The following TOGARAM1 variants were observed in gnomAD, a reference collection of about 807,000 sequenced individuals.
The protein encoded by TOGARAM1 is TOG array regulator of axonemal microtubules protein 1.
A neutral mutation model predicts 166.6 loss-of-function variants in TOGARAM1; 100 were observed. That is an observed-to-expected ratio of 0.60 (90% CI 0.51 to 0.71). TOGARAM1 has a LOEUF of 0.71. Ranked by LOEUF, TOGARAM1 falls within the 30% of genes least tolerant of loss-of-function variation. The pLI is 0.00. For synonymous variants in TOGARAM1, 758 were observed against 763.8 expected, an observed-to-expected ratio of 0.99 and a Z score of 0.13; for missense variants, 2,029 against 2,102.7, an observed-to-expected ratio of 0.96 and a Z score of 0.69.
chr14:44,993,279 C>T (rs1356041364), intron 1 of TOGARAM1, among the ~76,000 whole-genome samples: 1 of 148,432 alleles, frequency 6.7e-6, no homozygotes, highest in Non-Finnish European at 1.5e-5. Flanking sequence ...AGAGTGAGAA[C>T]CTGTCTCAAA....
Position 45,044,676 on chromosome 14 carries a change from CTGTT to C in TOGARAM1, c.3962_3965del (p.Cys1321Ter). 2 of 1,612,996 alleles carry C rather than the reference CTGTT, an allele frequency of 1.2e-6. No individual in the cohort carries two copies. The highest frequency in any genetic ancestry group is 1.7e-6 in the Non-Finnish European group (2 of 1,179,626). On this transcript the variant is annotated frameshift_variant, in exon 13 of 20. Transcript: ENST00000361462. LOFTEE classifies it high-confidence loss of function. ...CTGGAGTTTCTCGTGCTGCTGTGGT[CTGTT>C]TAAGTGATCTTTTCACTTATTTGAA...
chr14:45,026,848 A>AAAT (rs1370255081), intron 8 of TOGARAM1, among the ~76,000 whole-genome samples: 3 of 151,884 alleles, frequency 2.0e-5, no homozygotes, highest in African/African-American at 7.3e-5. Flanking sequence ...AAAAAAAAAA[A>AAAT]ATACAAAAAA....
intron 16 of TOGARAM1, among the ~76,000 whole-genome samples, chr14:45,064,864 A>G (rs1883064738): frequency 6.6e-6 from 1 of 151,960 alleles, no homozygotes; most frequent in Non-Finnish European, 1.5e-5. Flanking sequence ...TGTGCTTGGT[A>G]TAAGATTGAT....
intron 16 of TOGARAM1, among the ~76,000 whole-genome samples, chr14:45,058,009 C>T (rs1166876972): frequency 6.6e-6 from 1 of 152,144 alleles, no homozygotes; most frequent in Admixed American, 6.5e-5. Context: ...TTTTCTGTCT[C>T]AATAATCTGC....
In TOGARAM1 at chr14:45,027,374, C is replaced by G. The variant is rs1053665; in HGVS notation, c.3404C>G (p.Thr1135Arg). ...SVISSVENGD[T>R]FSIKQSIEPP... is the part of the protein sequence containing the mutation. ...ATATCTTCTGTGGAAAATGGGGATA[C>G]ATTTTCAATTAAACAAAGTATTGAA... is the stretch of plus-strand genomic sequence containing the variant. The change falls in exon 9 of 20, where the codon ACA (threonine) becomes AGA (arginine). Residue 1135 changes from threonine to arginine, a missense_variant. Physicochemically the swap from Thr to Arg is moderately conservative, Grantham distance 71. This residue lies in a region of TOGARAM1 where 1,453 missense variants were observed against 1,432.2 expected (regional missense o/e 1.01). Transcript: ENST00000361462. 1 of 1,613,556 alleles carries G rather than the reference C, an allele frequency of 6.2e-7. No homozygotes were observed.
chr14:45,071,828 T>C, intron 19 of TOGARAM1, 30 bp downstream of exon 19: 1 of 1,506,422 alleles, frequency 6.6e-7, no homozygotes, highest in Non-Finnish European at 9.1e-7. Context: ...TAAAGAAATA[T>C]TTTATTAACT....
At chr14:45,069,665 A>T (rs943935896) in intron 18 of TOGARAM1, among the ~76,000 whole-genome samples, 2 of 152,198 alleles carry the variant, frequency 1.3e-5, no homozygotes, top group Admixed American at 1.3e-4. Context: ...AGTTAAGGCC[A>T]TGATCACCAC....
At chr14:45,013,136 C>T (rs1287121217) in intron 7 of TOGARAM1, among the ~76,000 whole-genome samples, 1 of 152,194 alleles carries the variant, frequency 6.6e-6, no homozygotes, top group Non-Finnish European at 1.5e-5. Flanking sequence ...CATTTCCTAT[C>T]TCTTTGCAAA....
intron 8 of TOGARAM1, 31 bp downstream of exon 8, chr14:45,025,903 T>C (rs1278126467): frequency 1.6e-5 from 19 of 1,157,760 alleles, no homozygotes; most frequent in Non-Finnish European, 2.3e-5. Context: ...TTCTTAATTA[T>C]ATGTATTCAT....
In TOGARAM1 at chr14:44,962,851, C is replaced by T; in HGVS notation, c.430C>T (p.Leu144Phe). ...EALYRALGRV[L>F]VEGGSDEKRL... ...TTTGTATCGGGCACTGGGCCGAGTG[C>T]TTGTGGAAGGAGGTAGTGATGAGAA... Residue 144 changes from leucine (L) to phenylalanine (F), a missense_variant, in exon 1 of 20, where the codon CTT becomes TTT. Physicochemically the swap from Leu to Phe is conservative, Grantham distance 22 (BLOSUM62 0). Transcript: ENST00000361462. 1 of 1,613,510 alleles carries T rather than the reference C, an allele frequency of 6.2e-7. No homozygotes were observed. The highest frequency in any genetic ancestry group is 8.5e-7 in the Non-Finnish European group (1 of 1,180,042).
intron 11 of TOGARAM1, among the ~76,000 whole-genome samples, chr14:45,034,099 G>A (rs1881307357): frequency 6.6e-6 from 1 of 152,214 alleles, no homozygotes; most frequent in Admixed American, 6.5e-5. Context: ...AGAGGTTGCA[G>A]TGAACCGAGA....
At chr14:45,073,146 G>T (rs1283193130) in intron 19 of TOGARAM1, 150 bp from the exon 20 acceptor site, 8 of 705,358 alleles carry the variant, frequency 1.1e-5, no homozygotes, top group African/African-American at 3.6e-5. Context: ...TGAGAGAAAG[G>T]TTTCTTACAT....
At position 44,989,946 on chromosome 14, in the gene TOGARAM1, C is replaced by T. The variant is rs144292140; in HGVS notation, c.2047-5800C>T. 4.9e-4 allele frequency among the ~76,000 whole-genome samples: 74 copies of T among 152,148 alleles called. 1 individual carries two copies. The East Asian group carries it at 0.011, about 23-fold the overall frequency. ...TTACATGGCAGCAGGTGAGAGAGAG[C>T]GAATATGTGAAAGAGGAACTGTCAG... On this transcript the variant is annotated intron_variant, in intron 1 of 19. Transcript: ENST00000361462.
At chr14:44,966,886 T>TC (rs1319350567) in intron 1 of TOGARAM1, among the ~76,000 whole-genome samples, 2 of 152,072 alleles carry the variant, frequency 1.3e-5, no homozygotes, top group African/African-American at 4.8e-5. Flanking sequence ...GCCCAGGAGT[T>TC]CCAGACTGCA....
intron 7 of TOGARAM1, among the ~76,000 whole-genome samples, chr14:45,023,789 G>A (rs1210067274): frequency 1.3e-5 from 2 of 151,964 alleles, no homozygotes; most frequent in African/African-American, 4.8e-5. Flanking sequence ...CGCCCAGGCT[G>A]TAGTGCAGTG....
At chr14:44,988,526 A>G (rs1433505176) in intron 1 of TOGARAM1, among the ~76,000 whole-genome samples, 1 of 152,218 alleles carries the variant, frequency 6.6e-6, no homozygotes, top group Non-Finnish European at 1.5e-5. Context: ...GCAGGTACCA[A>G]ACTATTAGGA....
At chr14:44,966,849 G>A (rs950169183) in intron 1 of TOGARAM1, among the ~76,000 whole-genome samples, 1 of 152,096 alleles carries the variant, frequency 6.6e-6, no homozygotes, top group African/African-American at 2.4e-5. Flanking sequence ...CAGCTACTTC[G>A]GAGGCTGAAG....
intron 16 of TOGARAM1, among the ~76,000 whole-genome samples, chr14:45,059,979 C>T (rs1322629081): frequency 2.0e-5 from 3 of 148,024 alleles, no homozygotes; most frequent in Non-Finnish European, 3.0e-5. Context: ...GTGGCGTGAT[C>T]TCGGCTCACT....
At chr14:45,032,571 T>C (rs1310858633) in intron 11 of TOGARAM1, among the ~76,000 whole-genome samples, 195 bp downstream of exon 11, 2 of 152,230 alleles carry the variant, frequency 1.3e-5, no homozygotes, top group African/African-American at 4.8e-5. Flanking sequence ...ACCAGTTGTA[T>C]TATAGCTTAC....
Sources: gnomAD v4.1 joint callset for allele counts (sites outside exome capture counted in the v4.1 genomes callset) on GRCh38, gnomAD v4.1.1 for gene constraint, gnomAD v4.1.1 regional missense constraint, MANE v1.5 for transcripts, NCBI Gene and HGNC (gene_info 2026-07-23, HGNC 2026-07-21) for gene names.